Variants in NAA16 observed in about 807,000 individuals in gnomAD.
NAA16 encodes the protein N-alpha-acetyltransferase 16, NatA auxiliary subunit, also known as NARG1-like protein.
A neutral mutation model predicts 110.3 loss-of-function variants in NAA16; 97 were observed. That is an observed-to-expected ratio of 0.88 (90% confidence interval 0.75 to 1.04). The LOEUF (loss-of-function observed/expected upper bound fraction) is 1.04, where lower values mean the gene tolerates loss of function less well. NAA16 is among the 50% of genes least tolerant of loss of function. The probability of loss-of-function intolerance (pLI) is 0.00; values close to 1 mark genes in which losing one functional copy is unlikely to be tolerated. For missense variants in NAA16, 1,017 were observed against 1,005.1 expected (o/e 1.01, Z -0.16); for synonymous variants, 372 against 330.6 (o/e 1.13, Z -1.36).
chr13:41,316,744 G>T, intron 1 of NAA16, 102 bp from the exon 2 acceptor site: 2 of 715,784 alleles, frequency 2.8e-6, no homozygotes. Flanking sequence ...TCACATTTTA[G>T]ACCTAATTTT....
rs541309698 is a variant in NAA16 at position 41,325,116 on chromosome 13, C to T, written c.538-582C>T. Among the ~76,000 whole-genome samples the T allele has an allele frequency of 5.9e-5, 9 of 151,932 alleles. No individual in the cohort carries two copies. In the South Asian group the frequency reaches 1.9e-3, roughly 32 times the overall value. ...GGGATTACAGGCATGTGCCACCACG[C>T]CAGGCTAATTTTGTATTTTAGTAGA... On this transcript the variant is annotated intron_variant, in intron 5 of 19. Transcript: ENST00000379406.
intron 15 of NAA16, 122 bp downstream of exon 15, chr13:41,369,405 T>C: frequency 9.9e-7 from 1 of 1,015,044 alleles, no homozygotes; most frequent in Non-Finnish European, 1.4e-6. Flanking sequence ...AAGGTTTTTA[T>C]AATAGCCGTC....
Position 41,331,383 on chromosome 13 carries a change from G to T in NAA16, c.907+14G>T. 6.8e-7 allele frequency: 1 copy of T among 1,471,878 alleles called. No homozygotes were observed. The highest frequency in any genetic ancestry group is 9.4e-7 in the Non-Finnish European group (1 of 1,059,696). 91.2% of individuals were successfully genotyped at this position (1,471,878 alleles called of 1,614,324 possible). A position where few individuals can be genotyped will look rare whatever the true frequency, so the allele number is the denominator to read the frequency against. ...CTCTTGTCCCAGGTAATATTAAGATGTCTTTTATAATATTAATTATTTGTC... is the reference window on the plus strand; with the variant it reads ...CTCTTGTCCCAGGTAATATTAAGATTTCTTTTATAATATTAATTATTTGTC... On this transcript the variant is annotated intron_variant, in intron 8 of 19. Coordinates refer to ENST00000379406, the MANE Select transcript of NAA16 (RefSeq NM_024561.5).
chr13:41,362,984 C>G (rs1334120432), intron 13 of NAA16: 2 of 796,150 alleles, frequency 2.5e-6, no homozygotes, highest in African/African-American at 3.7e-5. Flanking sequence ...TTGATGGGGA[C>G]TGGAACTAGA....
chr13:41,323,219 T>C (rs1227729784), intron 5 of NAA16, 29 bp downstream of exon 5: 10 of 1,607,190 alleles, frequency 6.2e-6, no homozygotes, highest in Non-Finnish European at 8.5e-6. Context: ...CCTTCTACCT[T>C]CATAAATGGA....
rs1593541768 is a variant in NAA16 at position 41,375,870 on chromosome 13, A to T, written c.*268A>T. ...TTCTTACTAAGCTAAGTTGTATACA[A>T]CCCCACTGTATTATTTTCTTTAGAT... On this transcript the variant is annotated 3_prime_UTR_variant, in exon 20 of 20. Coordinates refer to ENST00000379406, the MANE Select transcript of NAA16 (RefSeq NM_024561.5). 1 of 276,352 alleles carries T rather than the reference A, an allele frequency of 3.6e-6. No homozygotes were observed. The highest frequency in any genetic ancestry group is 6.7e-6 in the Non-Finnish European group (1 of 149,694). 17.1% of individuals were successfully genotyped at this position (276,352 alleles called of 1,614,324 possible). A position where few individuals can be genotyped will look rare whatever the true frequency, so the allele number is the denominator to read the frequency against.
chr13:41,360,490 AGGAGAATGAGAAAGAAGGT>A (rs2043090296), intron 12 of NAA16, among the ~76,000 whole-genome samples: 1 of 152,230 alleles, frequency 6.6e-6, no homozygotes, highest in South Asian at 2.1e-4. Flanking sequence ...TTAAAGGCAC[AGGAGAATGAGAAAGAAGGT>A]GAGAGGAGTT....
chr13:41,325,603 A>G (rs2042071980), intron 5 of NAA16, 95 bp from the exon 6 acceptor site: 1 of 696,666 alleles, frequency 1.4e-6, no homozygotes, highest in African/African-American at 1.9e-5. Context: ...TTTCTTGTTT[A>G]TGTGAATGAC....
intron 9 of NAA16, among the ~76,000 whole-genome samples, chr13:41,337,542 C>CA (rs11370011): frequency 0.91 from 121,906 of 134,446 alleles, 55,110 homozygotes; most frequent in South Asian, 0.95. Flanking sequence ...GACTCCGTCT[C>CA]AAAAAAAAAA....
chr13:41,375,307 C>A, intron 19 of NAA16, 98 bp from the exon 20 acceptor site: 1 of 799,116 alleles, frequency 1.3e-6, no homozygotes, highest in South Asian at 1.9e-5. Flanking sequence ...ACTGAGGCAG[C>A]TTTCTCAATT....
intron 9 of NAA16, among the ~76,000 whole-genome samples, chr13:41,343,855 A>G (rs2042616811): frequency 6.6e-6 from 1 of 152,016 alleles, no homozygotes; most frequent in Non-Finnish European, 1.5e-5. Flanking sequence ...AATTTTTTTT[A>G]TAGAGGTGGG....
intron 2 of NAA16, among the ~76,000 whole-genome samples, 159 bp from the exon 3 acceptor site, chr13:41,318,647 T>C (rs2041868924): frequency 6.6e-6 from 1 of 152,214 alleles, no homozygotes; most frequent in Non-Finnish European, 1.5e-5. Flanking sequence ...TTAAATGTAG[T>C]TTTACTTTTT....
intron 1 of NAA16, among the ~76,000 whole-genome samples, chr13:41,314,278 T>C (rs1232521642): frequency 2.0e-5 from 3 of 152,238 alleles, no homozygotes; most frequent in African/African-American, 4.8e-5. Flanking sequence ...ATGATTATTA[T>C]TATTTTCAGA....
At position 41,369,257 on chromosome 13, in the gene NAA16, G is replaced by C; in HGVS notation, c.1921G>C (p.Glu641Gln). ...AGAAGAAGCCAGTGGCCTTAAGGAA[G>C]AACTTATACCTGAAAAATTAGAAAG... ...EEEEASGLKEELIPEKLERVE... is the reference protein window; with the variant it reads ...EEEEASGLKEQLIPEKLERVE... Residue 641 changes from glutamate (E) to glutamine (Q), a missense_variant, in exon 15 of 20, where the codon GAA becomes CAA. Coordinates refer to ENST00000379406, the MANE Select transcript of NAA16 (RefSeq NM_024561.5). 1 of 1,578,282 alleles carries C rather than the reference G, an allele frequency of 6.3e-7. No individual in the cohort carries two copies. The highest frequency in any genetic ancestry group is 8.5e-7 in the Non-Finnish European group (1 of 1,171,196).
intron 10 of NAA16, among the ~76,000 whole-genome samples, chr13:41,356,153 G>A (rs1311707241): frequency 6.6e-6 from 1 of 152,112 alleles, no homozygotes; most frequent in Non-Finnish European, 1.5e-5. Context: ...CTGATTTTGT[G>A]TGCGTGTGTG....
At chr13:41,347,182 C>G (rs2042704054) in intron 9 of NAA16, among the ~76,000 whole-genome samples, 2 of 146,206 alleles carry the variant, frequency 1.4e-5, no homozygotes, top group Admixed American at 1.4e-4. Flanking sequence ...AGCCACTACA[C>G]TCCAGCGTGG....
At chr13:41,358,752 T>G (rs2043048135) in intron 11 of NAA16, 58 bp from the exon 12 acceptor site, 1 of 1,513,746 alleles carries the variant, frequency 6.6e-7, no homozygotes, top group Non-Finnish European at 8.8e-7. Context: ...ATTTTCCATT[T>G]TATTGTACTC....
At chr13:41,358,154 A>G (rs781769347) in intron 10 of NAA16, 150 bp from the exon 11 acceptor site, 8 of 688,568 alleles carry the variant, frequency 1.2e-5, no homozygotes, top group Non-Finnish European at 1.9e-5. Flanking sequence ...TTATGAAGTC[A>G]TACCTCTTTC....
chr13:41,314,273 T>G (rs1360442036), intron 1 of NAA16, among the ~76,000 whole-genome samples: 2 of 152,168 alleles, frequency 1.3e-5, no homozygotes, highest in Admixed American at 6.5e-5. Context: ...GCAGTATGAT[T>G]ATTATTATTT....
Sources: gnomAD v4.1 joint callset for allele counts (sites outside exome capture counted in the v4.1 genomes callset) on GRCh38, gnomAD v4.1.1 for gene constraint, MANE v1.5 for transcripts, NCBI Gene and HGNC (gene_info 2026-07-23, HGNC 2026-07-21) for gene names.